Variants in CRPPA observed in about 807,000 individuals in gnomAD.
CRPPA encodes the protein CDP-L-ribitol pyrophosphorylase A.
CRPPA carries 43 observed loss-of-function variants against 52.0 expected under a neutral mutation model. That is an observed-to-expected ratio of 0.83 (90% CI 0.65 to 1.07). CRPPA has a LOEUF of 1.07. CRPPA is among the 50% of genes least tolerant of loss of function. The pLI is 0.00. For missense variants in CRPPA, 629 were observed against 551.7 expected, an observed-to-expected ratio of 1.14 and a Z score of -1.40; for synonymous variants, 250 against 203.5, an observed-to-expected ratio of 1.23 and a Z score of -1.94.
chr7:16,289,950 T>G (rs888156560), intron 5 of CRPPA, among the ~76,000 whole-genome samples: 2 of 152,106 alleles, frequency 1.3e-5, no homozygotes, highest in Non-Finnish European at 2.9e-5. Flanking sequence ...AAAAAACTCT[T>G]AGAATTGATA....
At chr7:16,280,238 G>A (rs998740127) in intron 5 of CRPPA, among the ~76,000 whole-genome samples, 3 of 152,240 alleles carry the variant, frequency 2.0e-5, no homozygotes, top group Admixed American at 6.5e-5. Flanking sequence ...GGGATACTTA[G>A]TGAGATCAAA....
At chr7:16,396,244 T>C (rs1239988613) in intron 2 of CRPPA, among the ~76,000 whole-genome samples, 1 of 152,226 alleles carries the variant, frequency 6.6e-6, no homozygotes, top group Non-Finnish European at 1.5e-5. Context: ...AGTATATTGA[T>C]TACAATGGAC....
chr7:16,229,007 T>C (rs1429083189), intron 8 of CRPPA, among the ~76,000 whole-genome samples: 4 of 152,060 alleles, frequency 2.6e-5, no homozygotes, highest in Non-Finnish European at 5.9e-5. Context: ...ATCACAACTG[T>C]CCTATCTTCT....
chr7:16,160,065 A>G (rs1195226401), intron 9 of CRPPA, among the ~76,000 whole-genome samples: 1 of 152,046 alleles, frequency 6.6e-6, no homozygotes, highest in Non-Finnish European at 1.5e-5. Flanking sequence ...TCTGGATATT[A>G]GCGCTTTGTC....
At chr7:16,377,151 C>T (rs984537675) in intron 2 of CRPPA, among the ~76,000 whole-genome samples, 3 of 152,122 alleles carry the variant, frequency 2.0e-5, no homozygotes, top group Non-Finnish European at 4.4e-5. Flanking sequence ...TTTGCAAAAG[C>T]CAAGGGACTG....
At chr7:16,346,097 A>T (rs906193821) in intron 3 of CRPPA, among the ~76,000 whole-genome samples, 6 of 152,154 alleles carry the variant, frequency 3.9e-5, no homozygotes, top group Non-Finnish European at 8.8e-5. Flanking sequence ...AATTTCTCCA[A>T]ATGTTTCCTT....
chr7:16,376,600 C>T (rs867360410), intron 2 of CRPPA, among the ~76,000 whole-genome samples: 6 of 152,008 alleles, frequency 3.9e-5, no homozygotes, highest in Non-Finnish European at 1.5e-5. Flanking sequence ...ATATGGATTG[C>T]AAATTAATAT....
At chr7:16,285,305 A>C (rs1784399710) in intron 5 of CRPPA, among the ~76,000 whole-genome samples, 1 of 152,172 alleles carries the variant, frequency 6.6e-6, no homozygotes, top group Non-Finnish European at 1.5e-5. Flanking sequence ...AATAAATTAT[A>C]AATTATTTAG....
At chr7:16,248,616 C>G (rs77351501) in intron 8 of CRPPA, among the ~76,000 whole-genome samples, 16,394 of 152,164 alleles carry the variant, frequency 0.11, 988 homozygotes, top group Non-Finnish European at 0.15. Flanking sequence ...TGAATAGGAA[C>G]AGCTCCCGTC....
chr7:16,221,124 C>T (rs1782487572), intron 8 of CRPPA, among the ~76,000 whole-genome samples: 1 of 152,066 alleles, frequency 6.6e-6, no homozygotes, highest in Non-Finnish European at 1.5e-5. Flanking sequence ...AGAACAGAGC[C>T]CTCAGAAATA....
At chr7:16,351,903 C>T (rs1241379369) in intron 3 of CRPPA, among the ~76,000 whole-genome samples, 1 of 152,058 alleles carries the variant, frequency 6.6e-6, no homozygotes, top group African/African-American at 2.4e-5. Context: ...CCCAACAATC[C>T]CATTACTGGA....
chr7:16,271,100 AT>A (rs1318653564), intron 6 of CRPPA, among the ~76,000 whole-genome samples: 1 of 152,090 alleles, frequency 6.6e-6, no homozygotes, highest in Non-Finnish European at 1.5e-5. Flanking sequence ...GTCATTTGTG[AT>A]TACTCAAAAC....
At chr7:16,402,514 T>A (rs1470569023) in intron 2 of CRPPA, among the ~76,000 whole-genome samples, 2 of 152,194 alleles carry the variant, frequency 1.3e-5, no homozygotes, top group African/African-American at 4.8e-5. Flanking sequence ...GAAGAGTTAG[T>A]GAATTAAACG....
At chr7:16,136,288 A>G (rs1782760784) in intron 9 of CRPPA, among the ~76,000 whole-genome samples, 2 of 151,896 alleles carry the variant, frequency 1.3e-5, no homozygotes, top group South Asian at 4.1e-4. Flanking sequence ...ATCTGAACTA[A>G]GATTTCTTGC....
At chr7:16,269,329 T>C (rs1370270771) in intron 6 of CRPPA, 2 of 151,318 alleles carry the variant, frequency 1.3e-5, no homozygotes, top group South Asian at 2.1e-4. Context: ...GACAAGTTCA[T>C]GGAAAGAGTA....
At chr7:16,333,867 G>C (rs1400830717) in intron 3 of CRPPA, among the ~76,000 whole-genome samples, 2 of 152,172 alleles carry the variant, frequency 1.3e-5, no homozygotes, top group East Asian at 3.9e-4. Context: ...TTGAACTGCT[G>C]TCTTTGACTA....
chr7:16,192,403 T>C (rs1781634212), intron 9 of CRPPA, among the ~76,000 whole-genome samples: 2 of 152,270 alleles, frequency 1.3e-5, no homozygotes, highest in African/African-American at 4.8e-5. Context: ...CAATCTGATG[T>C]GATTTCTTAA....
At chr7:16,229,099 C>T (rs960850647) in intron 8 of CRPPA, among the ~76,000 whole-genome samples, 1 of 151,874 alleles carries the variant, frequency 6.6e-6, no homozygotes, top group African/African-American at 2.4e-5. Context: ...TACAGCTACT[C>T]CTACTTTTTT....
At chr7:16,290,347 C>T (rs1784535347) in intron 5 of CRPPA, among the ~76,000 whole-genome samples, 1 of 151,644 alleles carries the variant, frequency 6.6e-6, no homozygotes, top group South Asian at 2.1e-4. Context: ...ATAGCCAAAG[C>T]AATCCTGAAA....
Sources: gnomAD v4.1 joint callset for allele counts (sites outside exome capture counted in the v4.1 genomes callset) on GRCh38, gnomAD v4.1.1 for gene constraint, MANE v1.5 for transcripts, NCBI Gene and HGNC (gene_info 2026-07-23, HGNC 2026-07-21) for gene names.